The following ASIC2 variants were observed in gnomAD, a reference collection of about 807,000 sequenced individuals.
ASIC2 encodes acid-sensing ion channel 2.
Under a neutral mutation model 57.3 loss-of-function variants are expected in ASIC2, and 25 were observed. That is an observed-to-expected ratio of 0.44 (90% CI 0.32 to 0.61). The LOEUF (loss-of-function observed/expected upper bound fraction) is 0.61, where lower values mean the gene tolerates loss of function less well. Among genes scored for constraint, ASIC2 ranks in the 20% least tolerant of loss-of-function variants. ASIC2 has a pLI of 0.06. For synonymous variants in ASIC2, 319 were observed against 307.5 expected (o/e 1.04, Z -0.39); for missense variants, 641 against 738.1 (o/e 0.87, Z 1.52).
intron 1 of ASIC2, among the ~76,000 whole-genome samples, chr17:33,643,262 C>T (rs1304718714): frequency 1.3e-5 from 2 of 151,648 alleles, no homozygotes; most frequent in African/African-American, 4.9e-5. Flanking sequence ...AATTTTGCAT[C>T]TTCCAATAAA....
chr17:34,011,824 G>A (rs754711058), intron 1 of ASIC2, among the ~76,000 whole-genome samples: 1 of 151,944 alleles, frequency 6.6e-6, no homozygotes, highest in Non-Finnish European at 1.5e-5. Context: ...CCCACTCCCC[G>A]CCCCTTCTCT....
intron 1 of ASIC2, among the ~76,000 whole-genome samples, chr17:33,421,470 C>T (rs763577532): frequency 6.6e-6 from 1 of 152,202 alleles, no homozygotes; most frequent in Non-Finnish European, 1.5e-5. Flanking sequence ...TAGATGGCTT[C>T]CAAGAACCTT....
Position 33,905,538 on chromosome 17 carries a change from C to T in ASIC2, c.555+250440G>A, listed in dbSNP as rs549821395. Among the ~76,000 whole-genome samples the T allele has an allele frequency of 2.6e-5, 4 of 152,246 alleles. No individual in the cohort carries two copies. In the South Asian group the frequency reaches 8.3e-4, roughly 32 times the overall value. ...ATAAGGAGTGCTCAGTGCCTGTGCT[C>T]TAAAAGAGTGATGTGCGAGGACAGA... is the stretch of plus-strand genomic sequence containing the variant. On this transcript the variant is annotated intron_variant, in intron 1 of 9. Coordinates refer to the ASIC2 transcript ENST00000359872.
chr17:33,256,576 CTCACACCTG>C (rs1909085059), intron 1 of ASIC2, among the ~76,000 whole-genome samples: 1 of 152,210 alleles, frequency 6.6e-6, no homozygotes, highest in African/African-American at 2.4e-5. Flanking sequence ...GATCCCAGCA[CTCACACCTG>C]TTTTTCCAGC....
chr17:33,520,250 C>T (rs1045218325), intron 1 of ASIC2, among the ~76,000 whole-genome samples: 1 of 152,110 alleles, frequency 6.6e-6, no homozygotes, highest in South Asian at 2.1e-4. Context: ...AAACACTGTC[C>T]AGGCAGAAAG....
At chr17:33,934,364 CA>C (rs1916012365) in intron 1 of ASIC2, among the ~76,000 whole-genome samples, 1 of 152,204 alleles carries the variant, frequency 6.6e-6, no homozygotes, top group South Asian at 2.1e-4. Flanking sequence ...ACTTTAGCAA[CA>C]TTGATTCAAG....
At chr17:33,034,757 T>G (rs2091902073) in intron 3 of ASIC2, among the ~76,000 whole-genome samples, 1 of 152,246 alleles carries the variant, frequency 6.6e-6, no homozygotes, top group African/African-American at 2.4e-5. Context: ...TGTGCTTTTC[T>G]CTCGGTCTTT....
chr17:33,016,616 T>C (rs978196384), intron 8 of ASIC2, among the ~76,000 whole-genome samples: 3 of 152,062 alleles, frequency 2.0e-5, no homozygotes, highest in African/African-American at 7.2e-5. Context: ...TGATGTGGTT[T>C]TGGGGTCACT....
rs1465655228 is a variant in ASIC2 at position 33,966,076 on chromosome 17, G to A, written c.555+189902C>T. On this transcript the variant is annotated intron_variant, in intron 1 of 9. Transcript: ENST00000359872. ...CCCTGTACATGGGCTATTGTTCAAG[G>A]CATTTTAGTAACATGAAGATAGCAA... Among the ~76,000 whole-genome samples, 16 of 152,316 alleles carry A rather than the reference G, an allele frequency of 1.1e-4. No individual in the cohort carries two copies. The South Asian group carries it at 3.3e-3, about 32-fold the overall frequency.
chr17:33,430,164 C>T (rs547315500), intron 1 of ASIC2, among the ~76,000 whole-genome samples: 1 of 152,294 alleles, frequency 6.6e-6, no homozygotes, highest in South Asian at 2.1e-4. Flanking sequence ...CTCTTGTCTC[C>T]TGCTTAGGCC....
chr17:33,813,600 C>G (rs1246151253), intron 1 of ASIC2, among the ~76,000 whole-genome samples: 1 of 152,164 alleles, frequency 6.6e-6, no homozygotes, highest in Non-Finnish European at 1.5e-5. Context: ...CCAAGCCCGG[C>G]TAATTTTTTG....
At chr17:33,606,376 C>T (rs1002245671) in intron 1 of ASIC2, among the ~76,000 whole-genome samples, 1 of 152,202 alleles carries the variant, frequency 6.6e-6, no homozygotes, top group Non-Finnish European at 1.5e-5. Context: ...GTTTAGAGAG[C>T]ATCCAAATCA....
chr17:33,025,458 A>G (rs2091854794), intron 5 of ASIC2, among the ~76,000 whole-genome samples: 1 of 152,044 alleles, frequency 6.6e-6, no homozygotes, highest in Non-Finnish European at 1.5e-5. Flanking sequence ...CACCTCCCCT[A>G]GGCTCAATGG....
intron 1 of ASIC2, among the ~76,000 whole-genome samples, chr17:33,898,263 T>C (rs1271219317): frequency 8.2e-6 from 1 of 121,264 alleles, no homozygotes; most frequent in East Asian, 2.6e-4. Context: ...TGAGACTGAG[T>C]CTCGCTCTGT....
At chr17:33,091,439 C>T (rs1268876281) in intron 2 of ASIC2, among the ~76,000 whole-genome samples, 1 of 152,178 alleles carries the variant, frequency 6.6e-6, no homozygotes, top group African/African-American at 2.4e-5. Context: ...TTTTCGAGAG[C>T]TAGCTGAAGC....
intron 1 of ASIC2, among the ~76,000 whole-genome samples, chr17:33,592,141 C>G (rs1359820066): frequency 6.6e-6 from 1 of 152,184 alleles, no homozygotes; most frequent in African/African-American, 2.4e-5. Flanking sequence ...GCACACAAGA[C>G]CAAGGAGGGC....
intron 1 of ASIC2, among the ~76,000 whole-genome samples, chr17:34,150,164 C>T (rs1033447293): frequency 1.3e-5 from 2 of 152,168 alleles, no homozygotes; most frequent in African/African-American, 4.8e-5. Flanking sequence ...CATGATCTCA[C>T]TTCTATGTGG....
chr17:33,721,558 C>A (rs1244884152), intron 1 of ASIC2, among the ~76,000 whole-genome samples: 2 of 152,200 alleles, frequency 1.3e-5, no homozygotes, highest in Non-Finnish European at 2.9e-5. Flanking sequence ...ATGAACAGAA[C>A]TCCCCTTCCA....
At chr17:33,926,375 T>C (rs899273972) in intron 1 of ASIC2, among the ~76,000 whole-genome samples, 1 of 152,184 alleles carries the variant, frequency 6.6e-6, no homozygotes, top group African/African-American at 2.4e-5. Flanking sequence ...TTTGAATACA[T>C]ATTTGCATAT....
Sources: gnomAD v4.1 joint callset for allele counts (sites outside exome capture counted in the v4.1 genomes callset) on GRCh38, gnomAD v4.1.1 for gene constraint, MANE v1.5 for transcripts, NCBI Gene and HGNC (gene_info 2026-07-23, HGNC 2026-07-21) for gene names.